Variants in MAPK10 observed in about 807,000 individuals in gnomAD.
The protein encoded by MAPK10 is mitogen-activated protein kinase 10.
A neutral mutation model predicts 59.3 loss-of-function variants in MAPK10; 25 were observed. The ratio of observed to expected loss-of-function variants is 0.42; its 90% CI spans 0.31 to 0.59. The LOEUF (loss-of-function observed/expected upper bound fraction) is 0.59, where lower values mean the gene tolerates loss of function less well. Among genes scored for constraint, MAPK10 ranks in the 20% least tolerant of loss-of-function variants. The pLI, the probability that MAPK10 is intolerant of heterozygous loss-of-function variation, is 0.15. For missense variants in MAPK10, 351 were observed against 568.9 expected, an observed-to-expected ratio of 0.62 and a Z score of 3.90; for synonymous variants, 190 against 200.5, an observed-to-expected ratio of 0.95 and a Z score of 0.44.
chr4:86,209,276 C>T (rs1222493261), intron 2 of MAPK10, among the ~76,000 whole-genome samples: 1 of 151,998 alleles, frequency 6.6e-6, no homozygotes, highest in African/African-American at 2.4e-5. Context: ...GTTTAAGAAG[C>T]ACATGAAAAT....
intron 9 of MAPK10, among the ~76,000 whole-genome samples, chr4:86,085,525 T>C (rs1441438884): frequency 3.3e-5 from 5 of 151,992 alleles, no homozygotes; most frequent in African/African-American, 7.3e-5. Context: ...ATCAGAGAAA[T>C]GCAAATCAAA....
intron 1 of MAPK10, among the ~76,000 whole-genome samples, chr4:86,551,323 T>C (rs1378075119): frequency 6.6e-6 from 1 of 152,202 alleles, no homozygotes; most frequent in African/African-American, 2.4e-5. Flanking sequence ...TTTTTGCCAA[T>C]GAAACTAGGC....
intron 1 of MAPK10, among the ~76,000 whole-genome samples, chr4:86,506,206 C>T (rs2149081429): frequency 6.6e-6 from 1 of 152,170 alleles, no homozygotes; most frequent in East Asian, 1.9e-4. Context: ...TAATTCTGAA[C>T]ATAATACCAA....
At chr4:86,568,676 C>T (rs1252430782) in intron 1 of MAPK10, among the ~76,000 whole-genome samples, 1 of 151,968 alleles carries the variant, frequency 6.6e-6, no homozygotes, top group African/African-American at 2.4e-5. Flanking sequence ...ACAAAGTTGA[C>T]AAAAATATAC....
chr4:86,140,304 C>T (rs1352914656), intron 4 of MAPK10, among the ~76,000 whole-genome samples: 2 of 134,288 alleles, frequency 1.5e-5, no homozygotes, highest in African/African-American at 3.1e-5. Context: ...CAATGATAGA[C>T]TGGATTAAGA....
intron 5 of MAPK10, among the ~76,000 whole-genome samples, chr4:86,103,583 G>A (rs757908316): frequency 6.6e-6 from 1 of 152,126 alleles, no homozygotes; most frequent in East Asian, 1.9e-4. Context: ...GAAATGCCAT[G>A]TGAGGAGAGA....
At chr4:86,299,655 T>G (rs1584302204) in intron 2 of MAPK10, among the ~76,000 whole-genome samples, 1 of 152,172 alleles carries the variant, frequency 6.6e-6, no homozygotes, top group East Asian at 1.9e-4. Context: ...TTTGTACATT[T>G]ATTATCCAAA....
At chr4:86,563,272 G>A (rs1267134197) in intron 1 of MAPK10, among the ~76,000 whole-genome samples, 3 of 152,084 alleles carry the variant, frequency 2.0e-5, no homozygotes. Flanking sequence ...ATAGTATCTT[G>A]ATTTATAGTT....
intron 2 of MAPK10, among the ~76,000 whole-genome samples, chr4:86,214,322 A>G (rs2086734067): frequency 6.6e-6 from 1 of 152,092 alleles, no homozygotes; most frequent in Admixed American, 6.5e-5. Context: ...AACATCAGGA[A>G]CAAGGTAAGG....
intron 1 of MAPK10, among the ~76,000 whole-genome samples, chr4:86,496,326 C>T (rs1383434079): frequency 6.6e-6 from 1 of 152,142 alleles, no homozygotes; most frequent in Non-Finnish European, 1.5e-5. Context: ...AAAACCCAAA[C>T]ATAAAAAATT....
At chr4:86,309,789 T>C (rs1172995581) in intron 2 of MAPK10, among the ~76,000 whole-genome samples, 1 of 152,168 alleles carries the variant, frequency 6.6e-6, no homozygotes, top group African/African-American at 2.4e-5. Flanking sequence ...GTTAAAGCAG[T>C]GCCCGGCATG....
rs1189423668 is a variant in MAPK10, at chr4:86,295,452, T to A, written c.-7+59078A>T. On this transcript the variant is annotated intron_variant, in intron 2 of 13. Coordinates refer to ENST00000641462, the MANE Select transcript of MAPK10 (RefSeq NM_138982.4). ...TTGCTCTACATTTTATGGATGTAATTTTTTTGTCAGCGTCCCTTCCCTACA... is the reference window on the plus strand; with the variant it reads ...TTGCTCTACATTTTATGGATGTAATATTTTTGTCAGCGTCCCTTCCCTACA... Among the ~76,000 whole-genome samples, 9 of 152,196 alleles carry A rather than the reference T, an allele frequency of 5.9e-5. No individual in the cohort carries two copies. The East Asian group carries it at 1.7e-3, about 30-fold the overall frequency.
At chr4:86,168,854 T>G (rs1372310781) in intron 3 of MAPK10, among the ~76,000 whole-genome samples, 1 of 152,066 alleles carries the variant, frequency 6.6e-6, no homozygotes, top group Non-Finnish European at 1.5e-5. Flanking sequence ...CGGGTACTCC[T>G]CTGAGACAAA....
At chr4:86,474,497 C>T (rs752625307) in intron 1 of MAPK10, among the ~76,000 whole-genome samples, 6 of 152,100 alleles carry the variant, frequency 3.9e-5, no homozygotes, top group South Asian at 2.1e-4. Context: ...TAGAGAGGTC[C>T]GAAAGTTATT....
rs1761511418 is a variant in MAPK10, at chr4:86,572,212, T to G, written c.-263+21698A>C. 2.0e-5 allele frequency among the ~76,000 whole-genome samples: 3 copies of G among 152,148 alleles called. No homozygotes were observed. In the South Asian group the frequency reaches 6.2e-4, roughly 31 times the overall value. On this transcript the variant is annotated intron_variant, in intron 1 of 4. Transcript: ENST00000502302. Reference sequence around the variant, plus strand: ...CACATTCTACCAACACTCTCTACCTTTGACTTATGGCATCATTACTTTCAG... The same window carrying G: ...CACATTCTACCAACACTCTCTACCTGTGACTTATGGCATCATTACTTTCAG...
chr4:86,511,817 G>C (rs939349169), intron 1 of MAPK10, among the ~76,000 whole-genome samples: 1 of 144,638 alleles, frequency 6.9e-6, no homozygotes, highest in African/African-American at 2.6e-5. Flanking sequence ...AAGGAAACAA[G>C]GAAGGAAGGA....
chr4:86,148,301 C>T (rs73837429), intron 4 of MAPK10, among the ~76,000 whole-genome samples: 3,887 of 152,122 alleles, frequency 0.026, 164 homozygotes, highest in African/African-American at 0.088. Context: ...CCCAGGGATT[C>T]CCAGGGAAAA....
At chr4:86,060,305 C>G (rs1287385150) in intron 11 of MAPK10, among the ~76,000 whole-genome samples, 2 of 152,164 alleles carry the variant, frequency 1.3e-5, no homozygotes, top group African/African-American at 4.8e-5. Flanking sequence ...TCTCCCTATG[C>G]CCTTGCAAGG....
chr4:86,147,868 A>G (rs1423228695), intron 4 of MAPK10, among the ~76,000 whole-genome samples: 2 of 152,232 alleles, frequency 1.3e-5, no homozygotes, highest in East Asian at 3.8e-4. Flanking sequence ...TGCATACAAC[A>G]GTATCTAATT....
Sources: allele counts gnomAD v4.1 joint callset (sites outside exome capture counted in the v4.1 genomes callset), GRCh38; gene constraint gnomAD v4.1.1; transcripts MANE v1.5; gene names NCBI Gene and HGNC (gene_info 2026-07-23, HGNC 2026-07-21).